Variants in TRIOBP observed in about 807,000 individuals in gnomAD.
The protein encoded by TRIOBP is TRIO and F-actin binding protein, also known as TRIO and F-actin-binding protein.
In TRIOBP, 169 loss-of-function variants were observed where a neutral mutation model predicts 238.8. The ratio of observed to expected loss-of-function variants is 0.71; its 90% CI spans 0.62 to 0.80. TRIOBP has a LOEUF of 0.80. TRIOBP is among the 30% of genes least tolerant of loss of function. The pLI is 0.00. For synonymous variants in TRIOBP, 1,150 were observed against 1,274.4 expected (o/e 0.90, Z 2.08); for missense variants, 2,838 against 3,122.6 (o/e 0.91, Z 2.17).
intron 3 of TRIOBP, among the ~76,000 whole-genome samples, chr22:37,701,761 T>C (rs1363770829): frequency 6.6e-6 from 1 of 152,242 alleles, no homozygotes; most frequent in Non-Finnish European, 1.5e-5. Flanking sequence ...TCCCCTTCTA[T>C]TGAAACAAAA....
chr22:37,715,791 A>G lies in TRIOBP; in HGVS notation c.485A>G (p.Glu162Gly). 1 of 1,614,034 alleles carries G rather than the reference A, an allele frequency of 6.2e-7. No homozygotes were observed. Among genetic ancestry groups the G allele is most frequent in the Non-Finnish European group, 8.5e-7 (1 of 1,180,010 alleles). Residue 162 changes from glutamate (E) to glycine (G), a missense_variant, in exon 6 of 24, where the codon GAG becomes GGG. Glu to Gly is a moderately conservative substitution (Grantham distance 98). Transcript: ENST00000644935. ...TGGGACACTGTTGAGAGGCAGGAGG[A>G]GGAGGCCCCCAGCTGGGACGAGCTC... Reference protein sequence around the residue: ...VDWDTVERQEEEAPSWDELAV... With the variant: ...VDWDTVERQEGEAPSWDELAV...
At chr22:37,768,220 G>A (rs1477165072) in intron 19 of TRIOBP, 44 bp downstream of exon 19, 9 of 1,541,886 alleles carry the variant, frequency 5.8e-6, no homozygotes, top group Non-Finnish European at 3.5e-6. Context: ...GATGGTTATG[G>A]GTTGAGGAAC....
At chr22:37,773,027 C>A (rs5995496) in intron 23 of TRIOBP, among the ~76,000 whole-genome samples, 3 of 152,222 alleles carry the variant, frequency 2.0e-5, no homozygotes, top group African/African-American at 4.8e-5. Context: ...AGTGCACCCC[C>A]CTTCTTGGGG....
At chr22:37,738,283 G>T (rs1257294205) in intron 9 of TRIOBP, among the ~76,000 whole-genome samples, 1 of 152,134 alleles carries the variant, frequency 6.6e-6, no homozygotes, top group Non-Finnish European at 1.5e-5. Context: ...ATGAACTTTG[G>T]GTGGAATATG....
chr22:37,774,067 T>C lies in TRIOBP; in HGVS notation c.*287T>C, dbSNP rs1383424108. On this transcript the variant is annotated 3_prime_UTR_variant, in exon 24 of 24. Transcript: ENST00000644935. ...CTTGCACCTTCTTCAGGATTTTATATGTGAAGAGATTTTTATATAGATTTT... is the reference window on the plus strand; with the variant it reads ...CTTGCACCTTCTTCAGGATTTTATACGTGAAGAGATTTTTATATAGATTTT... 1 of 151,696 alleles carries C rather than the reference T, an allele frequency of 6.6e-6. No homozygotes were observed. The highest frequency in any genetic ancestry group is 1.5e-5 in the Non-Finnish European group (1 of 67,938). 9.4% of individuals were successfully genotyped at this position (151,696 alleles called of 1,614,324 possible).
intron 11 of TRIOBP, among the ~76,000 whole-genome samples, chr22:37,743,319 TGCCCTTCTCTGA>T (rs1406671794): frequency 6.6e-6 from 1 of 152,256 alleles, no homozygotes; most frequent in Non-Finnish European, 1.5e-5. Context: ...CTAACTTGTG[TGCCCTTCTCTGA>T]GCCTTACCTT....
intron 6 of TRIOBP, among the ~76,000 whole-genome samples, chr22:37,716,483 G>A (rs928218162): frequency 1.3e-5 from 2 of 152,124 alleles, no homozygotes; most frequent in African/African-American, 4.8e-5. Flanking sequence ...AGACTGGAGT[G>A]CAGTGGTGCC....
chr22:37,731,337 T>G (rs563098774), intron 7 of TRIOBP, among the ~76,000 whole-genome samples: 17 of 152,110 alleles, frequency 1.1e-4, no homozygotes, highest in African/African-American at 4.1e-4. Context: ...GAACAAGGTC[T>G]CATTCTGTTG....
chr22:37,711,065 C>G (rs912471614), intron 4 of TRIOBP, among the ~76,000 whole-genome samples: 1 of 152,190 alleles, frequency 6.6e-6, no homozygotes, highest in African/African-American at 2.4e-5. Flanking sequence ...GAGTGGCAGT[C>G]CCCCTTTAAG....
chr22:37,752,573 C>G lies in TRIOBP; in HGVS notation c.5379+745C>G, dbSNP rs922190994. 2.0e-5 allele frequency among the ~76,000 whole-genome samples: 3 copies of G among 152,308 alleles called. No homozygotes were observed. In the South Asian group the frequency reaches 6.2e-4, roughly 32 times the overall value. Reference sequence around the variant, plus strand: ...TCTGGTCTGCGTGCAGCCTGCATGCCGGAGAGGGCTTTGAGCCAGAGGGGA... The same window carrying G: ...TCTGGTCTGCGTGCAGCCTGCATGCGGGAGAGGGCTTTGAGCCAGAGGGGA... On this transcript the variant is annotated intron_variant, in intron 12 of 23. Coordinates refer to ENST00000644935, the MANE Select transcript of TRIOBP (RefSeq NM_001039141.3).
At chr22:37,727,252 GT>G (rs544456439) in intron 7 of TRIOBP, among the ~76,000 whole-genome samples, 27,969 of 144,560 alleles carry the variant, frequency 0.19, 2,795 homozygotes, top group Admixed American at 0.26. Context: ...AGACTCATGG[GT>G]TTTTTTTTTT....
At chr22:37,708,381 T>A (rs908161134) in intron 3 of TRIOBP, among the ~76,000 whole-genome samples, 1 of 151,336 alleles carries the variant, frequency 6.6e-6, no homozygotes, top group Admixed American at 6.6e-5. Flanking sequence ...CAAACCCCTG[T>A]CTCTACTAAA....
intron 11 of TRIOBP, among the ~76,000 whole-genome samples, chr22:37,749,686 C>T (rs1925475631): frequency 6.6e-6 from 1 of 151,272 alleles, no homozygotes; most frequent in Non-Finnish European, 1.5e-5. Context: ...TTGGCTCACA[C>T]CTATAATCCC....
intron 18 of TRIOBP, among the ~76,000 whole-genome samples, chr22:37,766,175 C>T (rs1926485869): frequency 6.6e-6 from 1 of 152,162 alleles, no homozygotes; most frequent in Admixed American, 6.5e-5. Flanking sequence ...AGGAGTGCCT[C>T]CTCCCTGGGC....
At chr22:37,769,237 C>T in intron 20 of TRIOBP, 25 bp from the exon 21 acceptor site, 1 of 1,605,766 alleles carries the variant, frequency 6.2e-7, no homozygotes, top group Non-Finnish European at 8.5e-7. Flanking sequence ...CGGCACCCCT[C>T]CCCTGACCAC....
Position 37,734,967 on chromosome 22 carries a change from CG to C in TRIOBP, c.4632del (p.Cys1545ValfsTer65), listed in dbSNP as rs746798430. The C allele has an allele frequency of 9.3e-6, 15 of 1,613,486 alleles. No homozygotes were observed. Among genetic ancestry groups the C allele is most frequent in the Non-Finnish European group, 1.3e-5 (15 of 1,179,998 alleles). ...PTAVGWGAEGACPYPRGSERR... is the reference protein window; with the variant it reads ...PTAVGWGAEGXCPYPRGSERR... ...GCTGTGGGCTGGGGGGCAGAGGGAGCGTGTCCATACCCGCGTGGCTCTGAGA... is the reference window on the plus strand; with the variant it reads ...GCTGTGGGCTGGGGGGCAGAGGGAGCTGTCCATACCCGCGTGGCTCTGAGA... On this transcript the variant is annotated frameshift_variant, in exon 9 of 24. Transcript: ENST00000644935. LOFTEE classifies it high-confidence loss of function.
At chr22:37,716,464 C>G (rs1923525373) in intron 6 of TRIOBP, among the ~76,000 whole-genome samples, 1 of 152,218 alleles carries the variant, frequency 6.6e-6, no homozygotes, top group South Asian at 2.1e-4. Flanking sequence ...GAGTCTCACA[C>G]TGTTGCCCAG....
chr22:37,751,971 T>A (rs1184568890), intron 12 of TRIOBP, 143 bp downstream of exon 12: 1 of 857,178 alleles, frequency 1.2e-6, no homozygotes, highest in Non-Finnish European at 1.9e-6. Flanking sequence ...CCCATTAGGC[T>A]TCTGCCTCCT....
intron 17 of TRIOBP, among the ~76,000 whole-genome samples, chr22:37,762,587 G>C (rs1201530015): frequency 6.6e-6 from 1 of 152,226 alleles, no homozygotes; most frequent in African/African-American, 2.4e-5. Context: ...AAGTCTGTCA[G>C]TGTTTGGTCC....
Sources: allele counts gnomAD v4.1 joint callset (sites outside exome capture counted in the v4.1 genomes callset), GRCh38; gene constraint gnomAD v4.1.1; transcripts MANE v1.5; gene names NCBI Gene and HGNC (gene_info 2026-07-23, HGNC 2026-07-21).